AGBL4: variants seen among roughly 807,000 people sequenced by gnomAD.
AGBL4 encodes cytosolic carboxypeptidase 6.
AGBL4 carries 58 observed loss-of-function variants against 66.4 expected under a neutral mutation model. The observed-to-expected ratio is 0.87, with a 90% confidence interval of 0.71 to 1.09. The LOEUF is 1.09. Among genes scored for constraint, AGBL4 ranks in the 50% least tolerant of loss-of-function variants. The pLI is 0.00. For synonymous variants in AGBL4, 234 were observed against 222.9 expected (o/e 1.05, Z -0.44); for missense variants, 579 against 631.0 (o/e 0.92, Z 0.88).
intron 3 of AGBL4, among the ~76,000 whole-genome samples, chr1:49,466,116 G>C (rs748365430): frequency 6.6e-6 from 1 of 151,910 alleles, no homozygotes; most frequent in Non-Finnish European, 1.5e-5. Flanking sequence ...ATCAATAGTG[G>C]CTTTCCAATG....
At chr1:49,246,438 A>G (rs2148329912) in intron 3 of AGBL4, among the ~76,000 whole-genome samples, 1 of 152,066 alleles carries the variant, frequency 6.6e-6, no homozygotes, top group African/African-American at 2.4e-5. Context: ...CCCTTTGACT[A>G]GAACTGAAGG....
At chr1:48,696,941 C>G (rs1406031980) in intron 6 of AGBL4, among the ~76,000 whole-genome samples, 2 of 152,174 alleles carry the variant, frequency 1.3e-5, no homozygotes. Flanking sequence ...ACCCTTTGCA[C>G]TGGTGGGTGT....
chr1:49,355,309 A>G (rs1643997158), intron 3 of AGBL4, among the ~76,000 whole-genome samples: 2 of 152,162 alleles, frequency 1.3e-5, no homozygotes, highest in African/African-American at 4.8e-5. Flanking sequence ...TGGAAACATC[A>G]TTTACCAAGA....
intron 3 of AGBL4, among the ~76,000 whole-genome samples, chr1:49,446,265 T>A (rs1486070534): frequency 6.6e-6 from 1 of 152,244 alleles, no homozygotes; most frequent in Non-Finnish European, 1.5e-5. Context: ...ATGTTTCCTA[T>A]GTCTTTACAT....
At chr1:49,456,561 AATTT>A (rs1382616884) in intron 3 of AGBL4, among the ~76,000 whole-genome samples, 2 of 151,610 alleles carry the variant, frequency 1.3e-5, no homozygotes, top group Non-Finnish European at 3.0e-5. Flanking sequence ...TGTGTGAGGC[AATTT>A]ATTTATTTTA....
chr1:48,546,905 A>ACACACACACACACAC (rs1553185416), intron 11 of AGBL4, among the ~76,000 whole-genome samples: 1 of 151,556 alleles, frequency 6.6e-6, no homozygotes, highest in Non-Finnish European at 1.5e-5. Context: ...ACACATACAT[A>ACACACACACACACAC]ATAGCAATTG....
intron 3 of AGBL4, among the ~76,000 whole-genome samples, chr1:49,627,655 C>A (rs922939871): frequency 6.6e-6 from 1 of 152,160 alleles, no homozygotes; most frequent in Non-Finnish European, 1.5e-5. Flanking sequence ...GTTAACCACC[C>A]TGCATATGGC....
intron 3 of AGBL4, among the ~76,000 whole-genome samples, chr1:49,564,358 GT>G (rs1644135850): frequency 6.6e-6 from 1 of 152,074 alleles, no homozygotes; most frequent in Non-Finnish European, 1.5e-5. Context: ...GCTTTTGAAT[GT>G]GTTTGCTATT....
intron 6 of AGBL4, among the ~76,000 whole-genome samples, chr1:48,851,495 G>T (rs1304908179): frequency 6.6e-6 from 1 of 152,136 alleles, no homozygotes; most frequent in Non-Finnish European, 1.5e-5. Context: ...AGTGATATGA[G>T]ATGCTTCCCT....
chr1:48,896,752 T>TA (rs1651550566), intron 5 of AGBL4, among the ~76,000 whole-genome samples: 1 of 145,608 alleles, frequency 6.9e-6, no homozygotes, highest in African/African-American at 2.5e-5. Flanking sequence ...GTCCAAAAGG[T>TA]AGAGAATATA....
At chr1:48,805,925 C>T (rs1475533491) in intron 6 of AGBL4, among the ~76,000 whole-genome samples, 1 of 152,148 alleles carries the variant, frequency 6.6e-6, no homozygotes, top group Non-Finnish European at 1.5e-5. Context: ...TGGACTATTG[C>T]TTAATTCTAT....
chr1:49,875,673 G>A (rs1345579251), intron 1 of AGBL4, among the ~76,000 whole-genome samples: 310 of 145,804 alleles, frequency 2.1e-3, no homozygotes, highest in African/African-American at 7.5e-3. Context: ...TATATACCCA[G>A]TAATGGGATG....
intron 5 of AGBL4, among the ~76,000 whole-genome samples, chr1:48,923,693 C>A (rs1388736691): frequency 6.6e-6 from 1 of 152,172 alleles, no homozygotes; most frequent in Non-Finnish European, 1.5e-5. Flanking sequence ...TGCTCAGCAT[C>A]CATGATCAAA....
intron 3 of AGBL4, among the ~76,000 whole-genome samples, chr1:49,373,993 A>G (rs926496142): frequency 8.5e-5 from 13 of 152,164 alleles, no homozygotes; most frequent in Admixed American, 8.5e-4. Context: ...ATAAAATTAT[A>G]TTATGTTTCT....
At chr1:48,923,705 A>G (rs1410920056) in intron 5 of AGBL4, among the ~76,000 whole-genome samples, 1 of 152,206 alleles carries the variant, frequency 6.6e-6, no homozygotes, top group African/African-American at 2.4e-5. Flanking sequence ...ATGATCAAAT[A>G]TATCTCTTCA....
chr1:49,208,479 C>T (rs1648413355), intron 4 of AGBL4, among the ~76,000 whole-genome samples: 1 of 152,004 alleles, frequency 6.6e-6, no homozygotes, highest in Non-Finnish European at 1.5e-5. Context: ...ACAACAGGCA[C>T]TGAAAAGCTA....
intron 4 of AGBL4, among the ~76,000 whole-genome samples, chr1:49,187,948 C>T (rs1436392397): frequency 1.3e-5 from 2 of 152,088 alleles, no homozygotes; most frequent in Non-Finnish European, 2.9e-5. Flanking sequence ...CTTCCCTATA[C>T]TATTTTCATG....
chr1:49,317,982 T>C (rs547197152), intron 3 of AGBL4, among the ~76,000 whole-genome samples: 1 of 152,202 alleles, frequency 6.6e-6, no homozygotes, highest in East Asian at 1.9e-4. Flanking sequence ...TATAAAATCA[T>C]ATTCTCTTGA....
intron 6 of AGBL4, among the ~76,000 whole-genome samples, chr1:48,812,313 A>T (rs146633664): frequency 6.6e-6 from 1 of 152,244 alleles, no homozygotes; most frequent in African/African-American, 2.4e-5. Context: ...ATTTTAGGTG[A>T]ATAGTCATTT....
Sources: gnomAD v4.1 joint callset for allele counts (sites outside exome capture counted in the v4.1 genomes callset) on GRCh38, gnomAD v4.1.1 for gene constraint, MANE v1.5 for transcripts, NCBI Gene and HGNC (gene_info 2026-07-23, HGNC 2026-07-21) for gene names.